CERS1: variants seen among roughly 807,000 people sequenced by gnomAD.
The protein encoded by CERS1 is ceramide synthase 1.
In CERS1, 16 loss-of-function variants were observed where a neutral mutation model predicts 35.7. The observed-to-expected ratio is 0.45, with a 90% CI of 0.30 to 0.68. The LOEUF is 0.68. Ranked by LOEUF, CERS1 falls within the 30% of genes least tolerant of loss-of-function variation. The pLI is 0.08. For synonymous variants in CERS1, 243 were observed against 201.6 expected (o/e 1.21, Z -1.74); for missense variants, 454 against 453.9 (o/e 1.00, Z 0.00).
rs1184289020 is a variant in CERS1 at position 18,880,447 on chromosome 19, G to A, written c.591-12C>T. 1 of 1,574,536 alleles carries A rather than the reference G, an allele frequency of 6.4e-7. No homozygotes were observed. On this transcript the variant is annotated splice_polypyrimidine_tract_variant and intron_variant, in intron 3 of 7. Coordinates refer to ENST00000623882, the MANE Select transcript of CERS1 (RefSeq NM_021267.5). Reference sequence around the variant, plus strand: ...CCACATTGTGGTACCTGGGGGAGCAGCAGGCAGAGAGGAGAGGGCAGCTCA... The same window carrying A: ...CCACATTGTGGTACCTGGGGGAGCAACAGGCAGAGAGGAGAGGGCAGCTCA...
chr19:18,890,783 GAAAA>G (rs35488506), intron 2 of CERS1, among the ~76,000 whole-genome samples: 1 of 99,762 alleles, frequency 1.0e-5, no homozygotes, highest in Non-Finnish European at 1.9e-5. Context: ...CGCGTCTGGG[GAAAA>G]AAAAAAAAAA....
chr19:18,895,502 C>G lies in CERS1; in HGVS notation c.249+322G>C, dbSNP rs2056603721. ...CCAAACTGACCGGAAAGGGCCGTGC[C>G]TCGGTCCCCCACGTCTCAAACATCC... On this transcript the variant is annotated intron_variant, in intron 1 of 7. Transcript: ENST00000623882. The surrounding 1 kb of genome is among the most constrained non-coding windows in gnomAD (Gnocchi z 6.4). 6.6e-6 allele frequency among the ~76,000 whole-genome samples: 1 copy of G among 151,934 alleles called. No individual in the cohort carries two copies. The highest frequency in any genetic ancestry group is 2.4e-5 in the African/African-American group (1 of 41,354).
chr19:18,870,245 C>A lies in CERS1; in HGVS notation c.*332G>T. 2 of 1,551,126 alleles carry A rather than the reference C, an allele frequency of 1.3e-6. No homozygotes were observed. The highest frequency in any genetic ancestry group is 1.2e-5 in the South Asian group (1 of 84,646). ...GGGCGCGGGTCAGGGGCAGCGAGGG[C>A]AGCAGCAGGGCCAGGAGGAGGAGGA... On this transcript the variant is annotated 3_prime_UTR_variant, in exon 7 of 8. Coordinates refer to ENST00000623882, the MANE Select transcript of CERS1 (RefSeq NM_021267.5). The surrounding 1 kb of genome is among the most constrained non-coding windows in gnomAD (Gnocchi z 5.1).
In CERS1 at chr19:18,884,125, C is replaced by T; in HGVS notation, c.552G>A (p.Val184=). ...KDSVVMLLHH[V]VTLILIVSSY... is the part of the protein sequence containing the mutation. ...AGGAGACGATGAGGATGAGAGTGAC[C>T]ACGTGGTGGAGCAGCATGACCACCG... Residue 184 remains valine, a synonymous_variant, in exon 3 of 8, where the codon GTG becomes GTA. Coordinates refer to ENST00000623882, the MANE Select transcript of CERS1 (RefSeq NM_021267.5). 1 of 1,613,672 alleles carries T rather than the reference C, an allele frequency of 6.2e-7. No individual in the cohort carries two copies. Among genetic ancestry groups the T allele is most frequent in the Middle Eastern group, 1.6e-4 (1 of 6,062 alleles).
chr19:18,896,363 A>G (rs888276005), upstream of CERS1, among the ~76,000 whole-genome samples: 1 of 145,464 alleles, frequency 6.9e-6, no homozygotes, highest in African/African-American at 2.6e-5. This position sits in a 1 kb window ranked among gnomAD's most constrained non-coding sequence, Gnocchi z 5.9. Flanking sequence ...ACCCCGAGAG[A>G]CCCCGCGCAC....
chr19:18,882,666 A>G (rs1246947140), intron 3 of CERS1, among the ~76,000 whole-genome samples: 1 of 150,806 alleles, frequency 6.6e-6, no homozygotes, highest in Non-Finnish European at 1.5e-5. Flanking sequence ...TAAATAAGAT[A>G]AAGTAATTTT....
intron 2 of CERS1, among the ~76,000 whole-genome samples, chr19:18,885,907 G>A (rs1422143667): frequency 2.6e-5 from 4 of 152,138 alleles, no homozygotes; most frequent in Non-Finnish European, 5.9e-5. Flanking sequence ...GGCTGCCCAC[G>A]GAGTCTTGCC....
At chr19:18,877,271 G>A (rs889456032) in intron 6 of CERS1, among the ~76,000 whole-genome samples, 2 of 152,214 alleles carry the variant, frequency 1.3e-5, no homozygotes, top group Non-Finnish European at 2.9e-5. Flanking sequence ...CCAGACACTG[G>A]TGGGGCTGGG....
chr19:18,894,118 G>A (rs1349374116), intron 1 of CERS1, among the ~76,000 whole-genome samples: 1 of 151,738 alleles, frequency 6.6e-6, no homozygotes, highest in South Asian at 2.1e-4. Flanking sequence ...CGATGAAAGG[G>A]GAGGAGGGGC....
intron 6 of CERS1, among the ~76,000 whole-genome samples, chr19:18,874,317 T>G (rs2056025062): frequency 6.6e-6 from 1 of 152,182 alleles, no homozygotes; most frequent in Admixed American, 6.5e-5. Context: ...CTATTTTTAT[T>G]TTTTGAGACA....
Position 18,869,130 on chromosome 19 carries a change from C to A in CERS1, c.*855G>T. On this transcript the variant is annotated 3_prime_UTR_variant, in exon 8 of 8. Transcript: ENST00000623882. ...GCCCAAGCGGCGCCCAGCAGCTCCG[C>A]GCGCACTGGCGGCCCCAGGGCGGGC... The A allele has an allele frequency of 9.1e-7, 1 of 1,099,004 alleles. No homozygotes were observed. The highest frequency in any genetic ancestry group is 1.1e-6 in the Non-Finnish European group (1 of 902,060). 68.1% of individuals were successfully genotyped at this position (1,099,004 alleles called of 1,614,324 possible).
In CERS1 at chr19:18,878,309, C is replaced by T. The variant is rs1408808776; in HGVS notation, c.1010+621G>A. 1.0e-6 allele frequency: 1 copy of T among 986,020 alleles called. No individual in the cohort carries two copies. Among genetic ancestry groups the T allele is most frequent in the South Asian group, 4.7e-5 (1 of 21,294 alleles). 61.1% of individuals were successfully genotyped at this position (986,020 alleles called of 1,614,324 possible). ...CTGGCCCAGACACCCCCTGCCTGCC[C>T]CAGGCCTGGGGCTTCGGACACCATC... is the stretch of plus-strand genomic sequence containing the variant. On this transcript the variant is annotated intron_variant, in intron 6 of 7. Transcript: ENST00000623882. This position sits in a 1 kb window ranked among gnomAD's most constrained non-coding sequence, Gnocchi z 4.6.
In CERS1 at chr19:18,895,838, C is replaced by A. The variant is rs1403757016; in HGVS notation, c.235G>T (p.Ala79Ser). 1 of 1,296,702 alleles carries A rather than the reference C, an allele frequency of 7.7e-7. No homozygotes were observed. 80.3% of individuals were successfully genotyped at this position (1,296,702 alleles called of 1,614,324 possible). Residue 79 changes from alanine (A) to serine (S), a missense_variant, in exon 1 of 8, where the codon GCG (alanine) becomes TCG (serine). Physicochemically the swap from Ala to Ser is moderately conservative, Grantham distance 99 (BLOSUM62 1). Coordinates refer to ENST00000623882, the MANE Select transcript of CERS1 (RefSeq NM_021267.5). The surrounding 1 kb of genome is among the most constrained non-coding windows in gnomAD (Gnocchi z 6.4). The part of the protein sequence containing the change: ...GWTALRSAAT[A>S]RLFRPLAKRC... ...GCCACACTGACCCGAAAGAGGCGCG[C>A]AGTGGCCGCGGAGCGCAGGGCGGTC...
chr19:18,874,567 G>A (rs112906689), intron 6 of CERS1, among the ~76,000 whole-genome samples: 192 of 152,360 alleles, frequency 1.3e-3, no homozygotes, highest in Non-Finnish European at 2.0e-3. Context: ...CCAGAGAGAG[G>A]TGAGAGTGTC....
Position 18,879,307 on chromosome 19 carries a change from G to T in CERS1, c.834C>A (p.Ile278=), listed in dbSNP as rs781327266. The T allele has an allele frequency of 6.2e-7, 1 of 1,612,754 alleles. No individual in the cohort carries two copies. Among genetic ancestry groups the T allele is most frequent in the South Asian group, 1.1e-5 (1 of 90,700 alleles). ...GCGCATTGAAGAAGAAGTAGAAGGG[G>T]ATGTCAGGCACCGTGCGCAGACTGC... The part of the protein sequence containing the change: ...SHCSLRTVPD[I]PFYFFFNALL... Residue 278 remains isoleucine (I), a synonymous_variant, in exon 5 of 8, where the codon ATC becomes ATA. Coordinates refer to ENST00000623882, the MANE Select transcript of CERS1 (RefSeq NM_021267.5).
At chr19:18,888,949 TA>T (rs2056430061) in intron 2 of CERS1, among the ~76,000 whole-genome samples, 1 of 147,694 alleles carries the variant, frequency 6.8e-6, no homozygotes, top group South Asian at 2.2e-4. Flanking sequence ...TGGAGTGCAG[TA>T]GCATGATCTC....
intron 1 of CERS1, among the ~76,000 whole-genome samples, chr19:18,894,310 G>C (rs894956134): frequency 6.6e-6 from 1 of 152,012 alleles, no homozygotes; most frequent in Non-Finnish European, 1.5e-5. Context: ...CCCTGGACAA[G>C]TCCCACCCCC....
At chr19:18,889,658 G>A (rs931573848) in intron 2 of CERS1, among the ~76,000 whole-genome samples, 3 of 152,084 alleles carry the variant, frequency 2.0e-5, no homozygotes, top group Non-Finnish European at 4.4e-5. Context: ...TCGAACTCCT[G>A]GGCTCAAGTG....
At chr19:18,869,794 CT>C (rs1568291035) in intron 7 of CERS1, among the ~76,000 whole-genome samples, 188 bp downstream of exon 7, 1 of 152,104 alleles carries the variant, frequency 6.6e-6, no homozygotes, top group Non-Finnish European at 1.5e-5. Flanking sequence ...TGGGAACCCC[CT>C]GACATGTGTC....
Sources: gnomAD v4.1 joint callset for allele counts (sites outside exome capture counted in the v4.1 genomes callset) on GRCh38, gnomAD v4.1.1 for gene constraint, Gnocchi (gnomAD v3.1) non-coding constraint, MANE v1.5 for transcripts, NCBI Gene and HGNC (gene_info 2026-07-23, HGNC 2026-07-21) for gene names.